Variants in DISC1 observed in about 807,000 individuals in gnomAD.
DISC1 encodes disrupted in schizophrenia 1 protein.
In DISC1, 57 loss-of-function variants were observed where a neutral mutation model predicts 84.5. The ratio of observed to expected loss-of-function variants is 0.67; its 90% CI spans 0.55 to 0.84. DISC1 has a LOEUF of 0.84. DISC1 is among the 40% of genes least tolerant of loss of function. The pLI is 0.00. For missense variants in DISC1, 1,000 were observed against 1,057.8 expected (o/e 0.95, Z 0.76); for synonymous variants, 411 against 415.2 (o/e 0.99, Z 0.12).
intron 11 of DISC1, among the ~76,000 whole-genome samples, chr1:232,014,036 G>A (rs1013698135): frequency 6.6e-5 from 10 of 152,042 alleles, no homozygotes; most frequent in Non-Finnish European, 1.0e-4. Flanking sequence ...ACACTTAGGG[G>A]TATCATACTG....
chr1:231,668,528 G>A (rs978429494), intron 1 of DISC1, among the ~76,000 whole-genome samples: 4 of 152,126 alleles, frequency 2.6e-5, no homozygotes, highest in African/African-American at 9.7e-5. Flanking sequence ...ACATGGCATG[G>A]GGTACCATTG....
intron 9 of DISC1, among the ~76,000 whole-genome samples, chr1:231,891,094 C>T (rs113333371): frequency 1.3e-5 from 2 of 152,156 alleles, no homozygotes; most frequent in Non-Finnish European, 2.9e-5. Context: ...TAAACCCTGC[C>T]TTCTACTGTT....
Position 231,686,070 on chromosome 1 carries a change from G to A in DISC1, c.68-7756G>A, listed in dbSNP as rs572127649. On this transcript the variant is annotated intron_variant, in intron 1 of 12. Coordinates refer to ENST00000439617, the MANE Select transcript of DISC1 (RefSeq NM_018662.3). ...CATGGTCTGGGGCAGCTCCACCCCT[G>A]TCGCTTTGCAGGGTACAGCCTCCCT... Among the ~76,000 whole-genome samples, 3 of 152,310 alleles carry A rather than the reference G, an allele frequency of 2.0e-5. No individual in the cohort carries two copies. In the East Asian group the frequency reaches 5.8e-4, roughly 30 times the overall value.
intron 1 of DISC1, among the ~76,000 whole-genome samples, chr1:231,657,546 A>C (rs192354409): frequency 4.6e-5 from 7 of 152,242 alleles, no homozygotes; most frequent in African/African-American, 1.7e-4. Flanking sequence ...TCATCATGAA[A>C]TCTTTGTCCA....
At position 231,771,011 on chromosome 1, in the gene DISC1, C is replaced by T. The variant is rs1287268956; in HGVS notation, c.1575C>T (p.Asp525=). The change falls in exon 6 of 13, where the codon GAC becomes GAT. Residue 525 remains aspartate (D), a synonymous_variant. Transcript: ENST00000439617. ...QLQEVSKALQ[D]TLASAGQIPF... The stretch of plus-strand genomic sequence containing the variant: ...AGGAGGTCAGCAAGGCCTTGCAGGA[C>T]ACCCTGGCCTCAGCCGGTCAGATTC... The T allele has an allele frequency of 1.9e-6, 3 of 1,612,590 alleles. No individual in the cohort carries two copies. Among genetic ancestry groups the T allele is most frequent in the Admixed American group, 1.7e-5 (1 of 59,770 alleles).
chr1:231,740,446 C>A (rs1415472884), intron 3 of DISC1, among the ~76,000 whole-genome samples: 2 of 152,146 alleles, frequency 1.3e-5, no homozygotes, highest in African/African-American at 4.8e-5. Context: ...CAATGTCATG[C>A]CTCCCCCACA....
At chr1:231,965,693 C>T (rs574225805) in intron 10 of DISC1, among the ~76,000 whole-genome samples, 40 of 152,386 alleles carry the variant, frequency 2.6e-4, no homozygotes, top group African/African-American at 9.1e-4. Flanking sequence ...TAATCCTCAT[C>T]TGCACCAGGT....
intron 3 of DISC1, among the ~76,000 whole-genome samples, chr1:231,718,636 A>C (rs1036267627): frequency 6.6e-6 from 1 of 151,978 alleles, no homozygotes; most frequent in Non-Finnish European, 1.5e-5. Context: ...GGGTTTCTCC[A>C]TGTTGGCCAG....
At chr1:231,999,319 A>T (rs1281027137) in intron 10 of DISC1, among the ~76,000 whole-genome samples, 1 of 152,180 alleles carries the variant, frequency 6.6e-6, no homozygotes, top group Non-Finnish European at 1.5e-5. Context: ...ACTAGAGAGA[A>T]AACATAGCTT....
At position 231,722,201 on chromosome 1, in the gene DISC1, T is replaced by C. The variant is rs558158741; in HGVS notation, c.1117+20177T>C. On this transcript the variant is annotated intron_variant, in intron 3 of 12. Coordinates refer to ENST00000439617, the MANE Select transcript of DISC1 (RefSeq NM_018662.3). ...GCCTTAAGGACTTTCAAAAATGGTA[T>C]CTCAGATATTTGGAAACTATTGTTG... is the stretch of plus-strand genomic sequence containing the variant. Among the ~76,000 whole-genome samples, 141 of 150,736 alleles carry C rather than the reference T, an allele frequency of 9.4e-4. 1 individual carries two copies. Among genetic ancestry groups the C allele is most frequent in the African/African-American group, 3.4e-3 (139 of 41,048 alleles).
intron 7 of DISC1, among the ~76,000 whole-genome samples, chr1:231,796,919 G>A (rs981528879): frequency 2.0e-4 from 31 of 152,056 alleles, no homozygotes; most frequent in Non-Finnish European, 4.1e-4. Flanking sequence ...GTCTTGCTAG[G>A]TTGCCCAGGC....
chr1:231,733,418 T>C (rs533325555), intron 3 of DISC1, among the ~76,000 whole-genome samples: 2 of 149,306 alleles, frequency 1.3e-5, no homozygotes, highest in East Asian at 4.1e-4. Flanking sequence ...GTAGAAGTGG[T>C]GGTGGTTGTA....
chr1:231,954,259 G>A lies in DISC1; in HGVS notation c.1982-4569G>A, dbSNP rs952244088. On this transcript the variant is annotated intron_variant, in intron 9 of 12. Coordinates refer to ENST00000439617, the MANE Select transcript of DISC1 (RefSeq NM_018662.3). This position sits in a 1 kb window ranked among gnomAD's most constrained non-coding sequence, Gnocchi z 4.8. ...AGCTATCTCTGTGTCCCTGGAAGCC[G>A]TGTCCTTTTTCTATTTAATTAGTGC... 1.3e-5 allele frequency among the ~76,000 whole-genome samples: 2 copies of A among 152,176 alleles called. No homozygotes were observed. Among genetic ancestry groups the A allele is most frequent in the African/African-American group, 4.8e-5 (2 of 41,448 alleles).
rs35447965 is a variant in DISC1 at position 231,815,738 on chromosome 1, C to CAA, written c.1793-2578_1793-2577dup. ...GGGCAACAAGAACAAAACTCTGTCT[C>CAA]AAAAAAAAAAAAAAGAAAGAAAGAA... On this transcript the variant is annotated intron_variant, in intron 8 of 12. Coordinates refer to ENST00000439617, the MANE Select transcript of DISC1 (RefSeq NM_018662.3). Among the ~76,000 whole-genome samples the CAA allele has an allele frequency of 3.4e-3, 466 of 136,188 alleles. 5 individuals carry two copies. Among genetic ancestry groups the CAA allele is most frequent in the South Asian group, 8.5e-3 (36 of 4,254 alleles). 89.3% of individuals were successfully genotyped at this position (136,188 alleles called of 152,430 possible). A position where few individuals can be genotyped will look rare whatever the true frequency, so the allele number is the denominator to read the frequency against.
chr1:231,961,521 C>A (rs180932610), intron 10 of DISC1, among the ~76,000 whole-genome samples: 1 of 152,252 alleles, frequency 6.6e-6, no homozygotes. Flanking sequence ...AATTAGTTTT[C>A]AACCCTTGCT....
intron 9 of DISC1, among the ~76,000 whole-genome samples, chr1:231,859,815 TGGGCTCTTCTGCCA>T (rs1343877789): frequency 6.6e-6 from 1 of 152,198 alleles, no homozygotes; most frequent in Non-Finnish European, 1.5e-5. Context: ...TAAGGAAGCC[TGGGCTCTTCTGCCA>T]GATTTTGTGT....
At chr1:231,673,928 C>T (rs2062875011) in intron 1 of DISC1, among the ~76,000 whole-genome samples, 1 of 152,212 alleles carries the variant, frequency 6.6e-6, no homozygotes, top group African/African-American at 2.4e-5. Context: ...TGCTCTAAGA[C>T]ATGTGCATTT....
At chr1:231,634,452 C>CTT (rs1558206751) in intron 1 of DISC1, among the ~76,000 whole-genome samples, 1 of 152,096 alleles carries the variant, frequency 6.6e-6, no homozygotes, top group East Asian at 1.9e-4. Context: ...AAAAAGTTTG[C>CTT]GTATTTCAGT....
intron 1 of DISC1, among the ~76,000 whole-genome samples, chr1:231,667,975 G>C (rs1391720533): frequency 6.6e-6 from 1 of 151,494 alleles, no homozygotes; most frequent in Non-Finnish European, 1.5e-5. Context: ...AGAATTACTT[G>C]AACCTGGGAG....
Sources: gnomAD v4.1 joint callset for allele counts (sites outside exome capture counted in the v4.1 genomes callset) on GRCh38, gnomAD v4.1.1 for gene constraint, Gnocchi (gnomAD v3.1) non-coding constraint, MANE v1.5 for transcripts, NCBI Gene and HGNC (gene_info 2026-07-23, HGNC 2026-07-21) for gene names.